Variants in PARD3B observed in about 807,000 individuals in gnomAD.
PARD3B encodes the protein partitioning defective 3 homolog B.
A neutral mutation model predicts 130.2 loss-of-function variants in PARD3B; 103 were observed. The observed-to-expected ratio is 0.79, with a 90% confidence interval of 0.67 to 0.93. PARD3B has a LOEUF of 0.93. Among genes scored for constraint, PARD3B ranks in the 40% least tolerant of loss-of-function variants. The probability of loss-of-function intolerance (pLI) is 0.00; values close to 1 mark genes in which losing one functional copy is unlikely to be tolerated. For missense variants in PARD3B, 1,609 were observed against 1,499.2 expected, an observed-to-expected ratio of 1.07 and a Z score of -1.21; for synonymous variants, 583 against 553.2, an observed-to-expected ratio of 1.05 and a Z score of -0.76.
rs144312163 is a variant in PARD3B, at chr2:205,142,881, A to T, written c.1435-15841A>T. Reference sequence around the variant, plus strand: ...TGACAGGATGAGACTTCGGTCTCAAAAAATAAATAAATAAATAAATAAATA... The same window carrying T: ...TGACAGGATGAGACTTCGGTCTCAATAAATAAATAAATAAATAAATAAATA... On this transcript the variant is annotated intron_variant, in intron 10 of 22. Transcript: ENST00000406610. This position sits in a 1 kb window ranked among gnomAD's most constrained non-coding sequence, Gnocchi z 4.3. Among the ~76,000 whole-genome samples, 1 of 146,638 alleles carries T rather than the reference A, an allele frequency of 6.8e-6. No individual in the cohort carries two copies. Among genetic ancestry groups the T allele is most frequent in the African/African-American group, 2.5e-5 (1 of 39,698 alleles).
At chr2:204,976,894 G>A (rs1692221057) in intron 3 of PARD3B, among the ~76,000 whole-genome samples, 1 of 152,074 alleles carries the variant, frequency 6.6e-6, no homozygotes, top group African/African-American at 2.4e-5. Context: ...ACAGGGGTGA[G>A]CCAGTCCCAC....
intron 2 of PARD3B, among the ~76,000 whole-genome samples, chr2:204,708,771 G>T (rs531477106): frequency 2.0e-4 from 30 of 151,976 alleles, no homozygotes; most frequent in African/African-American, 6.8e-4. Flanking sequence ...TTTCAATATT[G>T]TTTAAGGCCA....
At chr2:205,546,601 C>G (rs6435287) in intron 21 of PARD3B, among the ~76,000 whole-genome samples, 74,760 of 151,890 alleles carry the variant, frequency 0.49, 19,339 homozygotes, top group Middle Eastern at 0.7. Context: ...GCCTGTGTCT[C>G]TTTTCTCTCC....
chr2:205,179,089 G>A (rs1462359537), intron 13 of PARD3B, among the ~76,000 whole-genome samples: 2 of 151,992 alleles, frequency 1.3e-5, no homozygotes, highest in East Asian at 3.9e-4. Context: ...TCTAGGCCTA[G>A]GCTAATGTGT....
At chr2:205,039,493 G>A (rs1203901463) in intron 3 of PARD3B, among the ~76,000 whole-genome samples, 4 of 151,724 alleles carry the variant, frequency 2.6e-5, no homozygotes, top group African/African-American at 2.4e-5. Flanking sequence ...TTTTTGAGAC[G>A]GAATCTCGCT....
At chr2:204,649,325 GT>G (rs910896225) in intron 1 of PARD3B, among the ~76,000 whole-genome samples, 3 of 151,538 alleles carry the variant, frequency 2.0e-5, no homozygotes, top group Non-Finnish European at 4.4e-5. Context: ...TGTATTTTGA[GT>G]ACTAACCTTT....
At chr2:205,245,509 A>G (rs2039534635) in intron 15 of PARD3B, among the ~76,000 whole-genome samples, 2 of 152,220 alleles carry the variant, frequency 1.3e-5, no homozygotes, top group South Asian at 4.1e-4. Flanking sequence ...GAAACAACCC[A>G]GTTAAAATAA....
intron 2 of PARD3B, among the ~76,000 whole-genome samples, chr2:204,783,598 G>A (rs2041913519): frequency 1.3e-5 from 2 of 152,110 alleles, no homozygotes; most frequent in African/African-American, 2.4e-5. Context: ...TGTGGTTTTT[G>A]CCATTGAAAA....
chr2:204,632,409 A>T (rs1458709478), intron 1 of PARD3B, among the ~76,000 whole-genome samples: 5 of 152,042 alleles, frequency 3.3e-5, no homozygotes, highest in Non-Finnish European at 7.3e-5. Context: ...TCTTGCGCTG[A>T]TTCTTTCTTA....
At chr2:205,450,459 G>A (rs1023150283) in intron 20 of PARD3B, among the ~76,000 whole-genome samples, 1 of 146,064 alleles carries the variant, frequency 6.8e-6, no homozygotes, top group African/African-American at 2.6e-5. Context: ...AAATTTAAGT[G>A]CAGATTCTTT....
At chr2:204,750,982 G>A (rs2040444576) in intron 2 of PARD3B, among the ~76,000 whole-genome samples, 1 of 152,074 alleles carries the variant, frequency 6.6e-6, no homozygotes, top group Non-Finnish European at 1.5e-5. Context: ...ATTTTTTGAA[G>A]GTTGAATTTT....
intron 1 of PARD3B, among the ~76,000 whole-genome samples, chr2:204,630,109 T>A (rs2125138095): frequency 6.6e-6 from 1 of 152,286 alleles, no homozygotes; most frequent in East Asian, 1.9e-4. Context: ...TTTGTATAGA[T>A]GATATAAACT....
intron 18 of PARD3B, among the ~76,000 whole-genome samples, chr2:205,367,072 T>G (rs1398764507): frequency 6.6e-6 from 1 of 152,226 alleles, no homozygotes; most frequent in Non-Finnish European, 1.5e-5. Context: ...CTCTAAAATT[T>G]CTACTGATAC....
intron 4 of PARD3B, among the ~76,000 whole-genome samples, chr2:205,092,092 T>C (rs1702146636): frequency 6.6e-6 from 1 of 152,152 alleles, no homozygotes; most frequent in African/African-American, 2.4e-5. Flanking sequence ...GAGAAGGTAC[T>C]GAGTGAGGTC....
At chr2:205,497,252 C>T (rs2049964299) in intron 20 of PARD3B, among the ~76,000 whole-genome samples, 1 of 150,062 alleles carries the variant, frequency 6.7e-6, no homozygotes, top group African/African-American at 2.4e-5. Context: ...AAGGGTTTGT[C>T]TTTTCTGAAC....
At chr2:204,651,939 G>A (rs937052545) in intron 1 of PARD3B, among the ~76,000 whole-genome samples, 1 of 152,160 alleles carries the variant, frequency 6.6e-6, no homozygotes, top group African/African-American at 2.4e-5. Flanking sequence ...AGCCATGGCT[G>A]GAACTGGAGT....
At position 205,290,170 on chromosome 2, in the gene PARD3B, G is replaced by A. The variant is rs1274837217; in HGVS notation, c.2186-10360G>A. Among the ~76,000 whole-genome samples the A allele has an allele frequency of 2.6e-5, 4 of 152,196 alleles. No individual in the cohort carries two copies. The South Asian group carries it at 6.2e-4, about 24-fold the overall frequency. On this transcript the variant is annotated intron_variant, in intron 16 of 22. Transcript: ENST00000406610. Reference sequence around the variant, plus strand: ...TGAATCCAGATAAATCCAGGTGTATGTACGAACAATTTATTTTCTAAAATT... The same window carrying A: ...TGAATCCAGATAAATCCAGGTGTATATACGAACAATTTATTTTCTAAAATT...
At chr2:205,553,482 C>G in intron 22 of PARD3B, 79 bp downstream of exon 22, 1 of 1,445,240 alleles carries the variant, frequency 6.9e-7, no homozygotes, top group Non-Finnish European at 9.6e-7. Flanking sequence ...AATAGAAATT[C>G]TGGCTTTGAA....
At chr2:205,114,199 A>G (rs954287129) in intron 6 of PARD3B, among the ~76,000 whole-genome samples, 1 of 152,146 alleles carries the variant, frequency 6.6e-6, no homozygotes, top group Non-Finnish European at 1.5e-5. Context: ...GATCGTATCA[A>G]CACTTCTTGA....
Sources: allele counts gnomAD v4.1 joint callset (sites outside exome capture counted in the v4.1 genomes callset), GRCh38; gene constraint gnomAD v4.1.1; non-coding constraint Gnocchi (gnomAD v3.1); transcripts MANE v1.5; gene names NCBI Gene and HGNC (gene_info 2026-07-23, HGNC 2026-07-21).